NEFL: variants seen among roughly 807,000 people sequenced by gnomAD.
The protein encoded by NEFL is neurofilament light polypeptide.
NEFL carries 36 observed loss-of-function variants against 51.6 expected under a neutral mutation model. The ratio of observed to expected loss-of-function variants is 0.70; its 90% CI spans 0.53 to 0.92. NEFL has a LOEUF of 0.92. Ranked by LOEUF, NEFL falls within the 40% of genes least tolerant of loss-of-function variation. NEFL has a pLI of 0.00. For missense variants in NEFL, 671 were observed against 722.0 expected (o/e 0.93, Z 0.81); for synonymous variants, 332 against 302.5 (o/e 1.10, Z -1.01).
At position 24,955,014 on chromosome 8, in the gene NEFL, G is replaced by A. The variant is rs1803024085; in HGVS notation, c.1044+458C>T. Among the ~76,000 whole-genome samples, 1 of 152,104 alleles carries A rather than the reference G, an allele frequency of 6.6e-6. No homozygotes were observed. Among genetic ancestry groups the A allele is most frequent in the Admixed American group, 6.5e-5 (1 of 15,282 alleles). ...TTTTCCTGTCTACCTACTAAATAAA[G>A]GAAGGGAGTGGTTGGTAAAACTAGT... On this transcript the variant is annotated intron_variant, in intron 1 of 3. Transcript: ENST00000610854. The surrounding 1 kb of genome is among the most constrained non-coding windows in gnomAD (Gnocchi z 4.0).
rs2117255301 is a variant in NEFL, at chr8:24,956,106, G to C, written c.410C>G (p.Ala137Gly). 2 of 1,606,948 alleles carry C rather than the reference G, an allele frequency of 1.2e-6. No individual in the cohort carries two copies. The highest frequency in any genetic ancestry group is 1.1e-5 in the South Asian group (1 of 90,330). The change falls in exon 1 of 4, where the codon GCG (alanine) becomes GGG (glycine). Residue 137 changes from alanine (A) to glycine (G), a missense_variant. Coordinates refer to ENST00000610854, the MANE Select transcript of NEFL (RefSeq NM_006158.5). The surrounding 1 kb of genome is among the most constrained non-coding windows in gnomAD (Gnocchi z 5.9). ...QKHSEPSRFR[A>G]LYEQEIRDLR... ...GTCGCGGATCTCCTGCTCGTACAGCGCCCGGAAGCGGGATGGCTCGGAGTG... is the reference window on the plus strand; with the variant it reads ...GTCGCGGATCTCCTGCTCGTACAGCCCCCGGAAGCGGGATGGCTCGGAGTG...
At position 24,953,725 on chromosome 8, in the gene NEFL, G is replaced by T. The variant is rs1206026169; in HGVS notation, c.1240C>A (p.Gln414Lys). 2 of 1,613,870 alleles carry T rather than the reference G, an allele frequency of 1.2e-6. No individual in the cohort carries two copies. The highest frequency in any genetic ancestry group is 2.7e-5 in the African/African-American group (2 of 74,924). ...GATCGGCCAAAGACCTGGGAGCTCTGGGAGTAGCCACTGGTTATGCTTCCC... is the reference window on the plus strand; with the variant it reads ...GATCGGCCAAAGACCTGGGAGCTCTTGGAGTAGCCACTGGTTATGCTTCCC... Reference protein sequence around the residue: ...SVGSITSGYSQSSQVFGRSAY... With the variant: ...SVGSITSGYSKSSQVFGRSAY... Residue 414 changes from glutamine to lysine, a missense_variant, in exon 3 of 4, where the codon CAG becomes AAG. By Grantham distance (53) the Gln-to-Lys change is moderately conservative. Transcript: ENST00000610854.
At position 24,955,996 on chromosome 8, in the gene NEFL, G is replaced by A. The variant is rs1180143355; in HGVS notation, c.520C>T (p.Leu174=). 1 of 1,604,088 alleles carries A rather than the reference G, an allele frequency of 6.2e-7. No individual in the cohort carries two copies. The highest frequency in any genetic ancestry group is 8.5e-7 in the Non-Finnish European group (1 of 1,179,154). The change falls in exon 1 of 4, where the codon CTG becomes TTG. Residue 174 remains leucine, a synonymous_variant. Coordinates refer to ENST00000610854, the MANE Select transcript of NEFL (RefSeq NM_006158.5). The surrounding 1 kb of genome is among the most constrained non-coding windows in gnomAD (Gnocchi z 4.0). ...REGLEETLRN[L]QARYEEEVLS... is the part of the protein sequence containing the mutation. ...ACCTCCTCTTCATAGCGCGCCTGCA[G>A]GTTGCGCAGGGTCTCCTCCAGCCCT...
chr8:24,955,402 C>T lies in NEFL; in HGVS notation c.1044+70G>A, dbSNP rs563081755. On this transcript the variant is annotated intron_variant, in intron 1 of 3. Transcript: ENST00000610854. The surrounding 1 kb of genome is among the most constrained non-coding windows in gnomAD (Gnocchi z 4.0). ...GCAGCCGCACCACCCCTGGTCTCCA[C>T]TTTCTGGGCGCACCAACTCCCCCCC... 4.8e-6 allele frequency: 7 copies of T among 1,449,712 alleles called. No individual in the cohort carries two copies. In the Admixed American group the frequency reaches 1.0e-4, roughly 21 times the overall value. 89.8% of individuals were successfully genotyped at this position (1,449,712 alleles called of 1,614,324 possible).
chr8:24,953,851 C>T, intron 2 of NEFL, 56 bp from the exon 3 acceptor site: 2 of 1,515,464 alleles, frequency 1.3e-6, no homozygotes, highest in Non-Finnish European at 1.8e-6. Flanking sequence ...ACAACTTGCT[C>T]TGAGTACCCT....
intron 1 of NEFL, among the ~76,000 whole-genome samples, chr8:24,954,717 A>C (rs1007232776): frequency 6.6e-6 from 1 of 152,148 alleles, no homozygotes; most frequent in Non-Finnish European, 1.5e-5. Context: ...AAAAAGAAAA[A>C]AATTATTTTC....
Position 24,955,533 on chromosome 8 carries a change from G to C in NEFL, c.983C>G (p.Ala328Gly). The C allele has an allele frequency of 6.2e-7, 1 of 1,613,144 alleles. No homozygotes were observed. ...CAGCTCCTGCAGCTGCTTCTCCAGC[G>C]CTTCATTCATGCCCCGGCATGCTTC... ...EIEACRGMNE[A>G]LEKQLQELED... Residue 328 changes from alanine to glycine, a missense_variant, in exon 1 of 4, where the codon GCG (alanine) becomes GGG (glycine). Transcript: ENST00000610854. This position sits in a 1 kb window ranked among gnomAD's most constrained non-coding sequence, Gnocchi z 4.0.
At position 24,953,614 on chromosome 8, in the gene NEFL, G is replaced by C. The variant is rs773307364; in HGVS notation, c.1351C>G (p.Gln451Glu). ...SYYTSHVQEE[Q>E]IEVEETIEAA... ...TCAATGGTTTCCTCCACTTCGATCTGCTCCTCTTGGACATGGCTGGTGTAG... is the reference window on the plus strand; with the variant it reads ...TCAATGGTTTCCTCCACTTCGATCTCCTCCTCTTGGACATGGCTGGTGTAG... The change falls in exon 3 of 4, where the codon CAG becomes GAG. Residue 451 changes from glutamine (Q) to glutamate (E), a missense_variant. Gln to Glu is a conservative substitution (Grantham distance 29). Coordinates refer to ENST00000610854, the MANE Select transcript of NEFL (RefSeq NM_006158.5). 3 of 1,613,830 alleles carry C rather than the reference G, an allele frequency of 1.9e-6. No individual in the cohort carries two copies. The highest frequency in any genetic ancestry group is 2.7e-5 in the African/African-American group (2 of 74,920).
chr8:24,953,960 A>G (rs1237949629), intron 2 of NEFL, 165 bp from the exon 3 acceptor site: 3 of 1,175,736 alleles, frequency 2.6e-6, no homozygotes, highest in Non-Finnish European at 3.5e-6. Flanking sequence ...AAATCATCCT[A>G]TTAGATTTAA....
Position 24,955,034 on chromosome 8 carries a change from A to T in NEFL, c.1044+438T>A, listed in dbSNP as rs1803024312. The stretch of plus-strand genomic sequence containing the variant: ...ATAAAGGAAGGGAGTGGTTGGTAAA[A>T]CTAGTCATAAAGCATGCTGGTCACA... On this transcript the variant is annotated intron_variant, in intron 1 of 3. Transcript: ENST00000610854. This position sits in a 1 kb window ranked among gnomAD's most constrained non-coding sequence, Gnocchi z 4.0. Among the ~76,000 whole-genome samples the T allele has an allele frequency of 6.6e-6, 1 of 152,234 alleles. No homozygotes were observed. The highest frequency in any genetic ancestry group is 2.4e-5 in the African/African-American group (1 of 41,468).
At position 24,953,609 on chromosome 8, in the gene NEFL, G is replaced by T. The variant is rs375151853; in HGVS notation, c.1356C>A (p.Ile452=). The part of the protein sequence containing the change: ...YYTSHVQEEQ[I]EVEETIEAAK... Reference sequence around the variant, plus strand: ...CAGCCTCAATGGTTTCCTCCACTTCGATCTGCTCCTCTTGGACATGGCTGG... The same window carrying T: ...CAGCCTCAATGGTTTCCTCCACTTCTATCTGCTCCTCTTGGACATGGCTGG... Residue 452 remains isoleucine, a synonymous_variant, in exon 3 of 4, where the codon ATC becomes ATA. Transcript: ENST00000610854. 6.8e-6 allele frequency: 11 copies of T among 1,613,852 alleles called. No individual in the cohort carries two copies. Among genetic ancestry groups the T allele is most frequent in the African/African-American group, 2.7e-5 (2 of 74,906 alleles).
In NEFL at chr8:24,955,682, T is replaced by C. The variant is rs752136885; in HGVS notation, c.834A>G (p.Glu278=). 1 of 1,613,630 alleles carries C rather than the reference T, an allele frequency of 6.2e-7. No homozygotes were observed. Among genetic ancestry groups the C allele is most frequent in the Non-Finnish European group, 8.5e-7 (1 of 1,179,782 alleles). Residue 278 remains glutamate (E), a synonymous_variant, in exon 1 of 4, where the codon GAA becomes GAG. Transcript: ENST00000610854. The surrounding 1 kb of genome is among the most constrained non-coding windows in gnomAD (Gnocchi z 4.0). The stretch of plus-strand genomic sequence containing the variant: ...GCACGGTGAAGCGGCTCTTGAACCA[T>C]TCCTCAGCGTTCTGCATGTTCTTGG... ...LAAKNMQNAE[E]WFKSRFTVLT... is the part of the protein sequence containing the mutation.
At position 24,955,962 on chromosome 8, in the gene NEFL, C is replaced by A; in HGVS notation, c.554G>T (p.Arg185Leu). The change falls in exon 1 of 4, where the codon CGC (arginine) becomes CTC (leucine). Residue 185 changes from arginine to leucine, a missense_variant. Coordinates refer to ENST00000610854, the MANE Select transcript of NEFL (RefSeq NM_006158.5). This position sits in a 1 kb window ranked among gnomAD's most constrained non-coding sequence, Gnocchi z 4.0. Reference protein sequence around the residue: ...QARYEEEVLSREDAEGRLMEA... With the variant: ...QARYEEEVLSLEDAEGRLMEA... ...CATCAGCCGGCCCTCGGCGTCCTCG[C>A]GGCTCAGCACCTCCTCTTCATAGCG... 6.2e-7 allele frequency: 1 copy of A among 1,602,636 alleles called. No individual in the cohort carries two copies. Among genetic ancestry groups the A allele is most frequent in the Non-Finnish European group, 8.5e-7 (1 of 1,179,070 alleles).
At position 24,953,478 on chromosome 8, in the gene NEFL, T is replaced by C. The variant is rs1313384375; in HGVS notation, c.1487A>G (p.Glu496Gly). 1.3e-6 allele frequency: 2 copies of C among 1,565,876 alleles called. No individual in the cohort carries two copies. ...AEEEEAAEEE[E>G]AAKEESEEAK... The stretch of plus-strand genomic sequence containing the variant: ...GCAGGGGTTTTTTCTTATCATACCT[T>C]CTTCCTCTTCAGCTGCCTCCTCTTC... Residue 496 changes from glutamate to glycine, a missense_variant and splice_region_variant, in exon 3 of 4, where the codon GAA (glutamate) becomes GGA (glycine). Glu to Gly is a moderately conservative substitution (Grantham distance 98, BLOSUM62 -2). Coordinates refer to ENST00000610854, the MANE Select transcript of NEFL (RefSeq NM_006158.5).
Position 24,955,760 on chromosome 8 carries a change from G to A in NEFL, c.756C>T (p.Pro252=), listed in dbSNP as rs567508446. Residue 252 remains proline (P), a synonymous_variant, in exon 1 of 4, where the codon CCC becomes CCT. Transcript: ENST00000610854. The surrounding 1 kb of genome is among the most constrained non-coding windows in gnomAD (Gnocchi z 4.0). ...TGTCCTTGAGCGCGGCGGAAAGGTC[G>A]GGCTTGGTCACGTCCATCTCCACGG... ...QISVEMDVTK[P]DLSAALKDIR... 16 of 1,613,412 alleles carry A rather than the reference G, an allele frequency of 9.9e-6. No homozygotes were observed. In the South Asian group the frequency reaches 1.1e-4, roughly 11 times the overall value.
chr8:24,956,484 G>A lies in NEFL; in HGVS notation c.32C>T (p.Ser11Leu), dbSNP rs766951637. 5.6e-6 allele frequency: 9 copies of A among 1,603,404 alleles called. No individual in the cohort carries two copies. The South Asian group carries it at 9.0e-5, about 16-fold the overall frequency. MSSFSYEPYY[S>L]TSYKRRYVET... is the part of the protein sequence containing the mutation. ...CACGTAGCGCCGCTTGTAGGAGGTCGAGTAGTACGGCTCGTAGCTGAAGGA... is the reference window on the plus strand; with the variant it reads ...CACGTAGCGCCGCTTGTAGGAGGTCAAGTAGTACGGCTCGTAGCTGAAGGA... The change falls in exon 1 of 4, where the codon TCG (serine) becomes TTG (leucine). Residue 11 changes from serine to leucine, a missense_variant. Transcript: ENST00000610854. This position sits in a 1 kb window ranked among gnomAD's most constrained non-coding sequence, Gnocchi z 5.9.
In NEFL at chr8:24,955,392, C is replaced by A. The variant is rs1250327548; in HGVS notation, c.1044+80G>T. The A allele has an allele frequency of 9.3e-6, 13 of 1,390,866 alleles. No homozygotes were observed. Among genetic ancestry groups the A allele is most frequent in the East Asian group, 2.4e-5 (1 of 41,698 alleles). The allele number at this position is 1,390,866 out of a possible 1,614,324, so 86.2% of individuals were successfully genotyped here. On this transcript the variant is annotated intron_variant, in intron 1 of 3. Coordinates refer to ENST00000610854, the MANE Select transcript of NEFL (RefSeq NM_006158.5). The surrounding 1 kb of genome is among the most constrained non-coding windows in gnomAD (Gnocchi z 4.0). ...AGAGCTGCGTGCAGCCGCACCACCC[C>A]TGGTCTCCACTTTCTGGGCGCACCA...
Position 24,953,708 on chromosome 8 carries a change from A to G in NEFL, c.1257T>C (p.Phe419=). The stretch of plus-strand genomic sequence containing the variant: ...GTAAACCGCCGTAGGCAGATCGGCC[A>G]AAGACCTGGGAGCTCTGGGAGTAGC... ...TSGYSQSSQV[F]GRSAYGGLQT... The change falls in exon 3 of 4, where the codon TTT becomes TTC. Residue 419 remains phenylalanine (F), a synonymous_variant. Coordinates refer to ENST00000610854, the MANE Select transcript of NEFL (RefSeq NM_006158.5). 6.2e-7 allele frequency: 1 copy of G among 1,614,012 alleles called. No individual in the cohort carries two copies. Among genetic ancestry groups the G allele is most frequent in the Non-Finnish European group, 8.5e-7 (1 of 1,179,896 alleles).
Position 24,955,694 on chromosome 8 carries a change from C to G in NEFL, c.822G>C (p.Gln274His). Residue 274 changes from glutamine (Q) to histidine (H), a missense_variant, in exon 1 of 4, where the codon CAG becomes CAC. Gln to His is a conservative substitution (Grantham distance 24). Coordinates refer to ENST00000610854, the MANE Select transcript of NEFL (RefSeq NM_006158.5). The surrounding 1 kb of genome is among the most constrained non-coding windows in gnomAD (Gnocchi z 4.0). ...GGCTCTTGAACCATTCCTCAGCGTT[C>G]TGCATGTTCTTGGCGGCCAGCTTCT... ...QYEKLAAKNM[Q>H]NAEEWFKSRF... 1.9e-6 allele frequency: 3 copies of G among 1,613,916 alleles called. No homozygotes were observed. Among genetic ancestry groups the G allele is most frequent in the Non-Finnish European group, 2.5e-6 (3 of 1,179,884 alleles).
Sources: allele counts gnomAD v4.1 joint callset (sites outside exome capture counted in the v4.1 genomes callset), GRCh38; gene constraint gnomAD v4.1.1; non-coding constraint Gnocchi (gnomAD v3.1); transcripts MANE v1.5; gene names NCBI Gene and HGNC (gene_info 2026-07-23, HGNC 2026-07-21).